The following ROR2 variants were observed in gnomAD, a reference collection of about 807,000 sequenced individuals.
The protein encoded by ROR2 is tyrosine-protein kinase transmembrane receptor ROR2.
A neutral mutation model predicts 74.9 loss-of-function variants in ROR2; 33 were observed. That is an observed-to-expected ratio of 0.44 (90% confidence interval 0.33 to 0.59). ROR2 has a LOEUF of 0.59. ROR2 is among the 20% of genes least tolerant of loss of function. The pLI, the probability that ROR2 is intolerant of heterozygous loss-of-function variation, is 0.02. For missense variants in ROR2, 1,216 were observed against 1,313.8 expected, an observed-to-expected ratio of 0.93 and a Z score of 1.15; for synonymous variants, 586 against 558.7, an observed-to-expected ratio of 1.05 and a Z score of -0.69.
intron 4 of ROR2, among the ~76,000 whole-genome samples, chr9:91,746,899 T>G (rs1349575003): frequency 6.6e-6 from 1 of 151,200 alleles, no homozygotes; most frequent in East Asian, 1.9e-4. Context: ...TAGCACAATA[T>G]GCATGCACAC....
intron 1 of ROR2, among the ~76,000 whole-genome samples, chr9:91,888,747 G>A (rs1208597996): frequency 6.6e-6 from 1 of 152,176 alleles, no homozygotes; most frequent in Non-Finnish European, 1.5e-5. Context: ...AAACGAGCAG[G>A]AGGAAATCAC....
chr9:91,811,028 T>C (rs1037573257), intron 1 of ROR2, among the ~76,000 whole-genome samples: 4 of 152,236 alleles, frequency 2.6e-5, no homozygotes, highest in African/African-American at 9.6e-5. Flanking sequence ...ACAGAGCAAG[T>C]GGCAAACTCA....
chr9:91,877,291 C>T (rs1300811665), intron 1 of ROR2, among the ~76,000 whole-genome samples: 2 of 152,216 alleles, frequency 1.3e-5, no homozygotes, highest in Non-Finnish European at 2.9e-5. Flanking sequence ...CACCACCATA[C>T]ACACAAGGTT....
At chr9:91,819,650 C>CTTTGTG (rs983046326) in intron 1 of ROR2, among the ~76,000 whole-genome samples, 2 of 11,372 alleles carry the variant, frequency 1.8e-4, no homozygotes, top group African/African-American at 6.4e-4. Flanking sequence ...TTTCTGTGTT[C>CTTTGTG]TCTGTGTCTG....
chr9:91,942,991 T>C (rs979290401), intron 1 of ROR2, among the ~76,000 whole-genome samples: 5 of 152,210 alleles, frequency 3.3e-5, no homozygotes, highest in African/African-American at 1.2e-4. Context: ...ATACATATAG[T>C]TATGTACTTA....
chr9:91,894,594 G>A (rs1830494401), intron 1 of ROR2, among the ~76,000 whole-genome samples: 1 of 152,196 alleles, frequency 6.6e-6, no homozygotes, highest in Admixed American at 6.5e-5. Context: ...AGTTTAAACT[G>A]AACATTCTCA....
chr9:91,742,449 T>A (rs971511449), intron 4 of ROR2, among the ~76,000 whole-genome samples: 2 of 152,086 alleles, frequency 1.3e-5, no homozygotes, highest in Non-Finnish European at 2.9e-5. Flanking sequence ...GAAGGTGTAG[T>A]GAAGATGTGG....
chr9:91,773,839 A>C (rs540812985), intron 2 of ROR2, among the ~76,000 whole-genome samples: 39 of 152,318 alleles, frequency 2.6e-4, no homozygotes, highest in African/African-American at 9.1e-4. Context: ...ATCTCAGCAC[A>C]ACCATCTGTG....
rs1825476134 is a variant in ROR2 at position 91,747,868 on chromosome 9, C to T, written c.494+8203G>A. Reference sequence around the variant, plus strand: ...TACACACTACAAAGTCAAAGGATGTCCTCGTGTGGAAAAGCCCTCTGCCAG... The same window carrying T: ...TACACACTACAAAGTCAAAGGATGTTCTCGTGTGGAAAAGCCCTCTGCCAG... On this transcript the variant is annotated intron_variant, in intron 4 of 8. Transcript: ENST00000375708. 2.6e-5 allele frequency among the ~76,000 whole-genome samples: 4 copies of T among 152,092 alleles called. No homozygotes were observed. The South Asian group carries it at 8.3e-4, about 32-fold the overall frequency.
chr9:91,833,160 C>T (rs1216661346), intron 1 of ROR2, among the ~76,000 whole-genome samples: 1 of 152,188 alleles, frequency 6.6e-6, no homozygotes, highest in Non-Finnish European at 1.5e-5. Flanking sequence ...AGGGTGGCTG[C>T]AGATGCGTCA....
At chr9:91,755,633 G>A (rs143840065) in intron 4 of ROR2, among the ~76,000 whole-genome samples, 196 of 152,346 alleles carry the variant, frequency 1.3e-3, no homozygotes, top group Admixed American at 2.8e-3. Context: ...TCTGCAAGGT[G>A]GGGTTGAGAC....
intron 1 of ROR2, among the ~76,000 whole-genome samples, chr9:91,922,118 C>T (rs1005788884): frequency 6.9e-6 from 1 of 144,658 alleles, no homozygotes; most frequent in South Asian, 2.3e-4. Flanking sequence ...ACAACAACAA[C>T]AACAACAAAC....
rs113192080 is a variant in ROR2 at position 91,866,264 on chromosome 9, C to T, written c.97+83603G>A. ...TCTCCTGAGTAGCTGGAATTACAGG[C>T]GTGCACCACCACACCCAGCTAATTT... is the stretch of plus-strand genomic sequence containing the variant. On this transcript the variant is annotated intron_variant, in intron 1 of 8. Coordinates refer to ENST00000375708, the MANE Select transcript of ROR2 (RefSeq NM_004560.4). Among the ~76,000 whole-genome samples the T allele has an allele frequency of 4.0e-3, 603 of 149,930 alleles. 10 individuals are homozygous for T. The highest frequency in any genetic ancestry group is 0.014 in the African/African-American group (578 of 40,632).
chr9:91,938,837 C>T (rs777975521), intron 1 of ROR2, among the ~76,000 whole-genome samples: 3 of 152,218 alleles, frequency 2.0e-5, no homozygotes, highest in Admixed American at 6.5e-5. Flanking sequence ...ATTAGCACCA[C>T]TTATTTGGCT....
intron 2 of ROR2, among the ~76,000 whole-genome samples, chr9:91,762,898 T>C (rs1825958345): frequency 6.6e-6 from 1 of 152,204 alleles, no homozygotes; most frequent in Non-Finnish European, 1.5e-5. Context: ...ACCACCTATA[T>C]AGATGTCTTG....
chr9:91,801,654 T>C (rs990646128), intron 1 of ROR2, among the ~76,000 whole-genome samples: 7 of 152,110 alleles, frequency 4.6e-5, no homozygotes, highest in Non-Finnish European at 1.0e-4. Flanking sequence ...CTTGTCCATC[T>C]ATCTCATGCC....
chr9:91,805,684 C>T (rs1046887561), intron 1 of ROR2, among the ~76,000 whole-genome samples: 7 of 152,182 alleles, frequency 4.6e-5, no homozygotes, highest in African/African-American at 1.7e-4. Context: ...CACATGCTCA[C>T]ACACAAGTAT....
At chr9:91,891,252 CT>C (rs59835723) in intron 1 of ROR2, among the ~76,000 whole-genome samples, 66,026 of 136,658 alleles carry the variant, frequency 0.48, 15,628 homozygotes, top group African/African-American at 0.68. Flanking sequence ...CTGTTCCTTT[CT>C]TTTTTTTTTT....
At chr9:91,776,079 G>T (rs1371627195) in intron 1 of ROR2, among the ~76,000 whole-genome samples, 1 of 152,226 alleles carries the variant, frequency 6.6e-6, no homozygotes, top group Non-Finnish European at 1.5e-5. Context: ...AAATAAGTCA[G>T]TGGAGCCTGG....
Sources: allele counts gnomAD v4.1 joint callset (sites outside exome capture counted in the v4.1 genomes callset), GRCh38; gene constraint gnomAD v4.1.1; transcripts MANE v1.5; gene names NCBI Gene and HGNC (gene_info 2026-07-23, HGNC 2026-07-21).